The following NR3C1 variants were observed in gnomAD, a reference collection of about 807,000 sequenced individuals.
The protein encoded by NR3C1 is nuclear receptor subfamily 3 group C member 1, also known as glucocorticoid receptor.
In NR3C1, 14 loss-of-function variants were observed where a neutral mutation model predicts 74.0. The ratio of observed to expected loss-of-function variants is 0.19; its 90% CI spans 0.12 to 0.30. The LOEUF (loss-of-function observed/expected upper bound fraction) is 0.30, where lower values mean the gene tolerates loss of function less well. Ranked by LOEUF, NR3C1 falls within the 10% of genes least tolerant of loss-of-function variation. The probability of loss-of-function intolerance (pLI) is 1.00; values close to 1 mark genes in which losing one functional copy is unlikely to be tolerated. For missense variants in NR3C1, 695 were observed against 909.8 expected (o/e 0.76, Z 3.04); for synonymous variants, 308 against 332.5 (o/e 0.93, Z 0.80).
chr5:143,361,625 T>A (rs1170427120), intron 2 of NR3C1, among the ~76,000 whole-genome samples: 1 of 152,212 alleles, frequency 6.6e-6, no homozygotes. Flanking sequence ...GCCTTATAGA[T>A]AAAGATCGCT....
intron 3 of NR3C1, among the ~76,000 whole-genome samples, chr5:143,311,045 GACC>G: frequency 6.6e-6 from 1 of 152,306 alleles, no homozygotes; most frequent in East Asian, 1.9e-4. Flanking sequence ...CCACAAAATT[GACC>G]ACTAGACTAT....
chr5:143,295,289 G>C, intron 7 of NR3C1, 171 bp downstream of exon 7: 1 of 985,176 alleles, frequency 1.0e-6, no homozygotes, highest in Non-Finnish European at 1.2e-6. Context: ...ATTAATCTTG[G>C]TGTCACTTAC....
At chr5:143,299,098 TCCGCCTC>T (rs1817938670) in intron 5 of NR3C1, among the ~76,000 whole-genome samples, 2 of 142,942 alleles carry the variant, frequency 1.4e-5, no homozygotes. Context: ...CACTGCAACC[TCCGCCTC>T]CCGGGTTCAA....
At chr5:143,416,378 A>G (rs559704693) in intron 1 of NR3C1, among the ~76,000 whole-genome samples, 1 of 152,138 alleles carries the variant, frequency 6.6e-6, no homozygotes, top group South Asian at 2.1e-4. Context: ...TTGTTTCTCA[A>G]CAGGAATAGC....
intron 1 of NR3C1, among the ~76,000 whole-genome samples, chr5:143,402,346 C>T (rs532801592): frequency 6.6e-6 from 1 of 152,306 alleles, no homozygotes; most frequent in Non-Finnish European, 1.5e-5. Context: ...CATTAATTGG[C>T]CCTAATGAAC....
intron 2 of NR3C1, among the ~76,000 whole-genome samples, chr5:143,387,846 C>A (rs1012240494): frequency 2.6e-5 from 4 of 152,114 alleles, no homozygotes; most frequent in Non-Finnish European, 5.9e-5. Context: ...AAATAAAACA[C>A]CCCTCCTCTC....
At position 143,277,952 on chromosome 5, in the gene NR3C1, T is replaced by A. The variant is rs4518436; in HGVS notation, c.*3937A>T. Reference sequence around the variant, plus strand: ...CACATAATGAAAAAGCAGATTTTTTTATTATGATGTTTCTCCATATTTGGC... The same window carrying A: ...CACATAATGAAAAAGCAGATTTTTTAATTATGATGTTTCTCCATATTTGGC... On this transcript the variant is annotated 3_prime_UTR_variant, in exon 9 of 9. Coordinates refer to ENST00000394464, the MANE Select transcript of NR3C1 (RefSeq NM_000176.3). The A allele has an allele frequency of 5.8e-4, 89 of 152,330 alleles. No homozygotes were observed. The highest frequency in any genetic ancestry group is 2.1e-3 in the African/African-American group (86 of 41,578). 9.4% of individuals were successfully genotyped at this position (152,330 alleles called of 1,614,324 possible). A position where few individuals can be genotyped will look rare whatever the true frequency, so the allele number is the denominator to read the frequency against.
At chr5:143,350,803 G>A (rs1830100042) in intron 2 of NR3C1, among the ~76,000 whole-genome samples, 3 of 152,140 alleles carry the variant, frequency 2.0e-5, no homozygotes. Context: ...GTAGAAGGAG[G>A]AAAACTAGAA....
intron 2 of NR3C1, among the ~76,000 whole-genome samples, chr5:143,356,941 A>G (rs1224033929): frequency 6.6e-6 from 1 of 152,222 alleles, no homozygotes; most frequent in East Asian, 1.9e-4. Flanking sequence ...TTCAGTCAAT[A>G]GGTAAATAAA....
rs747987286 is a variant in NR3C1, at chr5:143,314,162, G to T, written c.1191C>A (p.Ser397Arg). ...GAGGAGAGCTTACATCTGGTCTCAT[G>T]CTGGGGCTAAAGAAGGGGAAGAACA... ...TVFSNGYSSP[S>R]MRPDVSSPPS... Residue 397 changes from serine to arginine, a missense_variant, in exon 3 of 9, where the codon AGC becomes AGA. Around this residue, in one of 4 missense-constraint regions of NR3C1, gnomAD observed 497 missense variants for 489.5 expected, o/e 1.02. Transcript: ENST00000394464. 25 of 1,613,642 alleles carry T rather than the reference G, an allele frequency of 1.5e-5. 1 individual carries two copies. The South Asian group carries it at 2.6e-4, about 17-fold the overall frequency.
At chr5:143,391,393 CAA>C (rs1838196077) in intron 2 of NR3C1, among the ~76,000 whole-genome samples, 2 of 152,050 alleles carry the variant, frequency 1.3e-5, no homozygotes, top group Non-Finnish European at 2.9e-5. Context: ...TCAATATACT[CAA>C]GAGCTTTTTC....
intron 2 of NR3C1, among the ~76,000 whole-genome samples, chr5:143,342,345 C>T (rs957530765): frequency 6.6e-6 from 1 of 152,070 alleles, no homozygotes; most frequent in Non-Finnish European, 1.5e-5. Context: ...ATTAATATCC[C>T]CACTTAAGGG....
At chr5:143,331,276 A>G (rs954816598) in intron 2 of NR3C1, among the ~76,000 whole-genome samples, 6 of 152,192 alleles carry the variant, frequency 3.9e-5, no homozygotes, top group African/African-American at 1.4e-4. Context: ...AAAAAGTCAG[A>G]AAATAATAGA....
chr5:143,320,206 A>G lies in NR3C1; in HGVS notation c.1185-6038T>C, dbSNP rs61752286. ...ATGGAATAGTTTTCAAATCAAATAG[A>G]AAAATGCTTTAGGGGAAACCTTTCA... On this transcript the variant is annotated intron_variant, in intron 2 of 8. Coordinates refer to ENST00000394464, the MANE Select transcript of NR3C1 (RefSeq NM_000176.3). Among the ~76,000 whole-genome samples the G allele has an allele frequency of 3.5e-3, 534 of 152,362 alleles. 1 individual carries two copies. The highest frequency in any genetic ancestry group is 0.012 in the African/African-American group (505 of 41,596).
At chr5:143,317,894 A>G (rs1487747249) in intron 2 of NR3C1, among the ~76,000 whole-genome samples, 1 of 152,174 alleles carries the variant, frequency 6.6e-6, no homozygotes, top group South Asian at 2.1e-4. Flanking sequence ...GAGTACCAGA[A>G]TATTTTGTAG....
chr5:143,323,437 C>T (rs184468705), intron 2 of NR3C1, among the ~76,000 whole-genome samples: 39 of 152,204 alleles, frequency 2.6e-4, no homozygotes, highest in African/African-American at 9.4e-4. Flanking sequence ...GAGAATAGCA[C>T]AGGAAAGACC....
At chr5:143,427,269 T>A (rs1002460350) in intron 1 of NR3C1, among the ~76,000 whole-genome samples, 5 of 152,172 alleles carry the variant, frequency 3.3e-5, no homozygotes, top group African/African-American at 1.2e-4. Flanking sequence ...CATAGTTTTT[T>A]AATAGTGAAA....
rs895409202 is a variant in NR3C1 at position 143,399,713 on chromosome 5, G to A, written c.1127C>T (p.Thr376Ile). The A allele has an allele frequency of 4.3e-6, 7 of 1,614,028 alleles. No homozygotes were observed. Among genetic ancestry groups the A allele is most frequent in the South Asian group, 1.1e-5 (1 of 91,090 alleles). ...AGGGAAGTTCAGAGTCCCCAGAGAA[G>A]TCAAGTTGTCATCTCCAGATCCTTG... ...RCQGSGDDNL[T>I]SLGTLNFPGR... The change falls in exon 2 of 9, where the codon ACT (threonine) becomes ATT (isoleucine). Residue 376 changes from threonine to isoleucine, a missense_variant. This residue lies in a region of NR3C1 where 497 missense variants were observed against 489.5 expected (regional missense o/e 1.02). Transcript: ENST00000394464.
intron 7 of NR3C1, among the ~76,000 whole-genome samples, chr5:143,291,589 T>TA (rs1263445639): frequency 3.3e-5 from 5 of 152,246 alleles, no homozygotes; most frequent in African/African-American, 7.2e-5. Context: ...ACCTCCTAGT[T>TA]AAAAAAATAG....
Sources: allele counts gnomAD v4.1 joint callset (sites outside exome capture counted in the v4.1 genomes callset), GRCh38; gene constraint gnomAD v4.1.1; regional missense constraint gnomAD v4.1.1; transcripts MANE v1.5; gene names NCBI Gene and HGNC (gene_info 2026-07-23, HGNC 2026-07-21).